PAPPA2: variants seen among roughly 807,000 people sequenced by gnomAD.
The protein encoded by PAPPA2 is pappalysin-2.
PAPPA2 carries 86 observed loss-of-function variants against 176.4 expected under a neutral mutation model. The ratio of observed to expected loss-of-function variants is 0.49; its 90% CI spans 0.41 to 0.58. The LOEUF (loss-of-function observed/expected upper bound fraction) is 0.58. Ranked by LOEUF, PAPPA2 falls within the 20% of genes least tolerant of loss-of-function variation. PAPPA2 has a pLI of 0.00. For synonymous variants in PAPPA2, 809 were observed against 852.2 expected (o/e 0.95, Z 0.88); for missense variants, 2,073 against 2,256.9 (o/e 0.92, Z 1.65).
intron 1 of PAPPA2, among the ~76,000 whole-genome samples, chr1:176,490,755 G>C (rs1647245540): frequency 6.6e-6 from 1 of 152,114 alleles, no homozygotes; most frequent in South Asian, 2.1e-4. Flanking sequence ...GACTTGCACT[G>C]TCATGAGAAA....
chr1:176,758,126 G>A (rs1323710860), intron 14 of PAPPA2, among the ~76,000 whole-genome samples: 2 of 152,184 alleles, frequency 1.3e-5, no homozygotes, highest in Admixed American at 6.5e-5. Flanking sequence ...TTTCTATCAT[G>A]CGAAGGAAGA....
At chr1:176,813,507 T>A (rs1666259956) in intron 21 of PAPPA2, among the ~76,000 whole-genome samples, 1 of 152,232 alleles carries the variant, frequency 6.6e-6, no homozygotes, top group African/African-American at 2.4e-5. Context: ...TGATATCTCA[T>A]TGTGGTTTTG....
intron 2 of PAPPA2, among the ~76,000 whole-genome samples, chr1:176,559,491 G>C (rs568676653): frequency 6.6e-6 from 1 of 152,202 alleles, no homozygotes; most frequent in African/African-American, 2.4e-5. Context: ...GCTGCTGAGG[G>C]CTTGGGCATC....
chr1:176,833,836 A>T, intron 21 of PAPPA2, among the ~76,000 whole-genome samples: 1 of 149,706 alleles, frequency 6.7e-6, no homozygotes, highest in Admixed American at 6.7e-5. Context: ...ATATATGTGT[A>T]TATGTGTCTG....
intron 1 of PAPPA2, among the ~76,000 whole-genome samples, chr1:176,527,819 G>T (rs930213671): frequency 6.6e-6 from 1 of 152,158 alleles, no homozygotes; most frequent in Non-Finnish European, 1.5e-5. Flanking sequence ...AGAGATAGGA[G>T]GGTAGAAGCA....
intron 3 of PAPPA2, among the ~76,000 whole-genome samples, chr1:176,627,253 G>C (rs942380085): frequency 8.5e-5 from 13 of 152,094 alleles, no homozygotes; most frequent in Non-Finnish European, 1.8e-4. Context: ...AATCCAAAAA[G>C]TTATCAAATA....
chr1:176,595,150 T>C lies in PAPPA2; in HGVS notation c.1546T>C (p.Tyr516His), dbSNP rs1653895582. 2 of 1,614,132 alleles carry C rather than the reference T, an allele frequency of 1.2e-6. No homozygotes were observed. Among genetic ancestry groups the C allele is most frequent in the Non-Finnish European group, 1.7e-6 (2 of 1,180,014 alleles). Residue 516 changes from tyrosine to histidine, a missense_variant, in exon 3 of 23, where the codon TAC becomes CAC. Tyr to His is a moderately conservative substitution (Grantham distance 83, BLOSUM62 2). This residue lies in a region of PAPPA2 where 1,196 missense variants were observed against 1,330.4 expected (regional missense o/e 0.90). Coordinates refer to ENST00000367662, the MANE Select transcript of PAPPA2 (RefSeq NM_020318.3). Reference protein sequence around the residue: ...NVELISQYNGYWPLRGEKVIR... With the variant: ...NVELISQYNGHWPLRGEKVIR... ...GGAATTGATCTCCCAGTACAATGGA[T>C]ACTGGCCCCTTCGGGGAGAGAAGGT...
At chr1:176,795,193 T>C (rs552249270) in intron 20 of PAPPA2, among the ~76,000 whole-genome samples, 17 of 152,306 alleles carry the variant, frequency 1.1e-4, no homozygotes, top group African/African-American at 3.6e-4. Flanking sequence ...ATCCCTTTTT[T>C]TTCTAGATTC....
chr1:176,540,309 G>T (rs1650300697), intron 1 of PAPPA2, among the ~76,000 whole-genome samples: 1 of 152,308 alleles, frequency 6.6e-6, no homozygotes, highest in Non-Finnish European at 1.5e-5. Flanking sequence ...TCCCTTTCTA[G>T]AAATGCCCTT....
chr1:176,819,014 G>A (rs901440604), intron 21 of PAPPA2, among the ~76,000 whole-genome samples: 1 of 152,094 alleles, frequency 6.6e-6, no homozygotes, highest in African/African-American at 2.4e-5. Flanking sequence ...TTTCCCCATT[G>A]GAATATAAGT....
At chr1:176,645,833 G>A (rs766863748) in intron 3 of PAPPA2, among the ~76,000 whole-genome samples, 1 of 151,492 alleles carries the variant, frequency 6.6e-6, no homozygotes, top group Admixed American at 6.6e-5. Context: ...ATTTCCCTAA[G>A]GATTTGTGAT....
intron 12 of PAPPA2, among the ~76,000 whole-genome samples, chr1:176,719,446 G>C (rs758718901): frequency 6.6e-6 from 1 of 152,148 alleles, no homozygotes; most frequent in Admixed American, 6.5e-5. Context: ...CAGTTCTTCT[G>C]TGTGTTGATG....
chr1:176,817,928 G>C lies in PAPPA2; in HGVS notation c.5202+17796G>C, dbSNP rs115897575. Among the ~76,000 whole-genome samples, 460 of 152,184 alleles carry C rather than the reference G, an allele frequency of 3.0e-3. 2 individuals carry two copies. Among genetic ancestry groups the C allele is most frequent in the Non-Finnish European group, 5.0e-3 (339 of 68,008 alleles). Reference sequence around the variant, plus strand: ...AAGGCAGGTAAATGGATGAGGTCACGCAGGAGTGTGAATGGGGAGAGGAGG... The same window carrying C: ...AAGGCAGGTAAATGGATGAGGTCACCCAGGAGTGTGAATGGGGAGAGGAGG... On this transcript the variant is annotated intron_variant, in intron 21 of 22. Transcript: ENST00000367662.
Position 176,690,241 on chromosome 1 carries a change from G to A in PAPPA2, c.2242G>A (p.Val748Ile), listed in dbSNP as rs1660045624. ...GGGACTCTACCATGTCTTTAAAGGA[G>A]TCAGTGAAAGAGAATCCTGCAATGA... Reference protein sequence around the residue: ...VLGLYHVFKGVSERESCNDPC... With the variant: ...VLGLYHVFKGISERESCNDPC... Residue 748 changes from valine to isoleucine, a missense_variant, in exon 5 of 23, where the codon GTC becomes ATC. Val to Ile is a conservative substitution (Grantham distance 29). Around this residue, in one of 4 missense-constraint regions of PAPPA2, gnomAD observed 1,196 missense variants for 1,330.4 expected, o/e 0.90. Coordinates refer to ENST00000367662, the MANE Select transcript of PAPPA2 (RefSeq NM_020318.3). 2.5e-6 allele frequency: 4 copies of A among 1,614,004 alleles called. No homozygotes were observed. Among genetic ancestry groups the A allele is most frequent in the Non-Finnish European group, 3.4e-6 (4 of 1,180,014 alleles).
intron 21 of PAPPA2, among the ~76,000 whole-genome samples, chr1:176,830,828 G>T (rs531555704): frequency 1.3e-5 from 2 of 152,314 alleles, no homozygotes; most frequent in Admixed American, 1.3e-4. Flanking sequence ...ACAAACATTG[G>T]TACTATGGAA....
At chr1:176,694,035 C>A (rs1660245334) in intron 6 of PAPPA2, among the ~76,000 whole-genome samples, 1 of 152,166 alleles carries the variant, frequency 6.6e-6, no homozygotes, top group Non-Finnish European at 1.5e-5. Flanking sequence ...AGGTGGACTG[C>A]AGTTTTGAGA....
chr1:176,820,104 T>C (rs148250238), intron 21 of PAPPA2, among the ~76,000 whole-genome samples: 239 of 151,986 alleles, frequency 1.6e-3, no homozygotes, highest in African/African-American at 5.3e-3. Context: ...AAACAGCAAA[T>C]AAGTCTTTGG....
At position 176,623,601 on chromosome 1, in the gene PAPPA2, TCCTTCCTTCCTTCC is replaced by T. The variant is rs1558478932; in HGVS notation, c.1991+28007_1991+28020del. On this transcript the variant is annotated intron_variant, in intron 3 of 22. Coordinates refer to ENST00000367662, the MANE Select transcript of PAPPA2 (RefSeq NM_020318.3). ...CTCCTTCCTTCCTTCCTTCCTTCCT[TCCTTCCTTCCTTCC>T]TTCCTTCCTTTTTTACTTTCTTTCT... Among the ~76,000 whole-genome samples, 252 of 145,470 alleles carry T rather than the reference TCCTTCCTTCCTTCC, an allele frequency of 1.7e-3. 1 individual carries two copies. Among genetic ancestry groups the T allele is most frequent in the African/African-American group, 6.0e-3 (235 of 39,312 alleles).
At chr1:176,642,142 C>T (rs1299759382) in intron 3 of PAPPA2, among the ~76,000 whole-genome samples, 1 of 151,726 alleles carries the variant, frequency 6.6e-6, no homozygotes, top group East Asian at 1.9e-4. Context: ...AGGAATGGCT[C>T]TGAAAGGTAT....
Sources: allele counts gnomAD v4.1 joint callset (sites outside exome capture counted in the v4.1 genomes callset), GRCh38; gene constraint gnomAD v4.1.1; regional missense constraint gnomAD v4.1.1; transcripts MANE v1.5; gene names NCBI Gene and HGNC (gene_info 2026-07-23, HGNC 2026-07-21).